MGAT4C: variants seen among roughly 807,000 people sequenced by gnomAD.
MGAT4C encodes MGAT4 family member C.
A neutral mutation model predicts 40.1 loss-of-function variants in MGAT4C; 19 were observed. The observed-to-expected ratio is 0.47, with a 90% confidence interval of 0.33 to 0.70. MGAT4C has a LOEUF of 0.70. Ranked by LOEUF, MGAT4C falls within the 30% of genes least tolerant of loss-of-function variation. The probability of loss-of-function intolerance (pLI) is 0.02; values close to 1 mark genes in which losing one functional copy is unlikely to be tolerated. For missense variants in MGAT4C, 491 were observed against 563.2 expected (o/e 0.87, Z 1.30); for synonymous variants, 181 against 187.1 (o/e 0.97, Z 0.27).
intron 2 of MGAT4C, among the ~76,000 whole-genome samples, chr12:86,598,176 A>C (rs1395689566): frequency 1.3e-5 from 2 of 152,294 alleles, no homozygotes; most frequent in African/African-American, 4.8e-5. Context: ...ATGTTCGTAG[A>C]AAACTATTTT....
At chr12:86,814,093 G>C (rs1387580720) in intron 1 of MGAT4C, among the ~76,000 whole-genome samples, 1 of 151,692 alleles carries the variant, frequency 6.6e-6, no homozygotes, top group Admixed American at 6.6e-5. Flanking sequence ...TTGTATTTTA[G>C]TAGAGACAGG....
At chr12:86,208,510 A>G (rs1374159083) in intron 1 of MGAT4C, among the ~76,000 whole-genome samples, 2 of 152,070 alleles carry the variant, frequency 1.3e-5, no homozygotes, top group Admixed American at 1.3e-4. Context: ...TTGTCCCTTT[A>G]AGATGTAATT....
intron 1 of MGAT4C, among the ~76,000 whole-genome samples, chr12:86,145,379 G>A (rs774895131): frequency 6.6e-6 from 1 of 152,080 alleles, no homozygotes; most frequent in Non-Finnish European, 1.5e-5. Context: ...AGTATAATTG[G>A]TATGGGCCCT....
intron 1 of MGAT4C, among the ~76,000 whole-genome samples, chr12:86,131,520 T>C (rs1219646852): frequency 1.3e-5 from 2 of 152,118 alleles, no homozygotes; most frequent in East Asian, 1.9e-4. Context: ...TTATGCTGAA[T>C]TTGGCATTTA....
chr12:86,397,106 T>C (rs1956276708), intron 3 of MGAT4C, among the ~76,000 whole-genome samples: 1 of 152,174 alleles, frequency 6.6e-6, no homozygotes, highest in Admixed American at 6.5e-5. Flanking sequence ...CCCATTAGTA[T>C]TTGGAACATT....
At chr12:86,109,796 C>T (rs1341487509) in intron 1 of MGAT4C, among the ~76,000 whole-genome samples, 1 of 151,804 alleles carries the variant, frequency 6.6e-6, no homozygotes, top group South Asian at 2.1e-4. Flanking sequence ...GGAGCTTTTA[C>T]ACTTGTGGTG....
intron 3 of MGAT4C, among the ~76,000 whole-genome samples, chr12:86,347,450 A>G (rs1306223866): frequency 6.6e-6 from 1 of 152,174 alleles, no homozygotes; most frequent in Non-Finnish European, 1.5e-5. Flanking sequence ...ATAAAAAAAT[A>G]CTGATTCCTT....
At chr12:86,053,217 A>G (rs1893059090) in intron 1 of MGAT4C, among the ~76,000 whole-genome samples, 1 of 150,028 alleles carries the variant, frequency 6.7e-6, no homozygotes, top group African/African-American at 2.5e-5. Context: ...TGACTGGAAC[A>G]TTGGAAAACC....
intron 1 of MGAT4C, among the ~76,000 whole-genome samples, chr12:86,124,670 A>G (rs1879967935): frequency 6.6e-6 from 1 of 152,088 alleles, no homozygotes; most frequent in African/African-American, 2.4e-5. Flanking sequence ...CTGTGGTCTT[A>G]TACCAGATAG....
At chr12:86,526,599 G>A (rs1449691113) in intron 2 of MGAT4C, among the ~76,000 whole-genome samples, 1 of 152,106 alleles carries the variant, frequency 6.6e-6, no homozygotes. Context: ...GGAGCCCCAG[G>A]AGAGGTGTGC....
chr12:86,611,629 G>C (rs929529007), intron 2 of MGAT4C, among the ~76,000 whole-genome samples: 5 of 152,068 alleles, frequency 3.3e-5, no homozygotes, highest in Non-Finnish European at 7.4e-5. Flanking sequence ...TCGCATCTCA[G>C]TTTTCTTCAA....
intron 1 of MGAT4C, among the ~76,000 whole-genome samples, chr12:86,142,709 C>CTTT (rs113640050): frequency 7.1e-6 from 1 of 140,162 alleles, no homozygotes. Context: ...GTGGTCCATT[C>CTTT]TTTTTTTTTT....
At chr12:86,640,083 G>A (rs1963335791) in intron 2 of MGAT4C, among the ~76,000 whole-genome samples, 1 of 151,426 alleles carries the variant, frequency 6.6e-6, no homozygotes, top group Admixed American at 6.6e-5. Context: ...TCAAAAAGAA[G>A]ACTTTTAACA....
intron 2 of MGAT4C, among the ~76,000 whole-genome samples, chr12:86,645,465 T>C (rs954574518): frequency 6.6e-6 from 1 of 151,752 alleles, no homozygotes; most frequent in Non-Finnish European, 1.5e-5. Flanking sequence ...AAATGCTCGG[T>C]GGTAAAAATC....
chr12:86,190,155 A>T (rs1889218270), intron 1 of MGAT4C, among the ~76,000 whole-genome samples: 1 of 152,078 alleles, frequency 6.6e-6, no homozygotes, highest in African/African-American at 2.4e-5. Context: ...AGAAAACATT[A>T]AGGAAATGGA....
At chr12:86,461,000 C>T (rs1240176647) in intron 2 of MGAT4C, among the ~76,000 whole-genome samples, 3 of 151,960 alleles carry the variant, frequency 2.0e-5, no homozygotes, top group Non-Finnish European at 4.4e-5. Flanking sequence ...AATGTCAATT[C>T]TTGTTTCCTA....
intron 2 of MGAT4C, among the ~76,000 whole-genome samples, chr12:86,722,450 T>C (rs1950752870): frequency 6.6e-6 from 1 of 152,178 alleles, no homozygotes; most frequent in African/African-American, 2.4e-5. Flanking sequence ...GCTGAAAAAG[T>C]AAACACACAC....
In MGAT4C at chr12:86,478,618, A is replaced by T. The variant is rs144529004; in HGVS notation, c.-228-43353T>A. ...TTCTGTTGTTTTCTTTAAATATCTA[A>T]GTCAGTTCCCCACTTACTGCCCATG... On this transcript the variant is annotated intron_variant, in intron 2 of 7. Coordinates refer to the MGAT4C transcript ENST00000548651. Among the ~76,000 whole-genome samples, 42 of 152,216 alleles carry T rather than the reference A, an allele frequency of 2.8e-4. No homozygotes were observed. The East Asian group carries it at 7.7e-3, about 28-fold the overall frequency.
intron 2 of MGAT4C, among the ~76,000 whole-genome samples, chr12:86,715,049 C>T (rs1033166810): frequency 1.3e-5 from 2 of 151,882 alleles, no homozygotes; most frequent in African/African-American, 2.4e-5. Context: ...AAACTTATCT[C>T]GTTATGTTTA....
Sources: allele counts gnomAD v4.1 joint callset (sites outside exome capture counted in the v4.1 genomes callset), GRCh38; gene constraint gnomAD v4.1.1; transcripts MANE v1.5; gene names NCBI Gene and HGNC (gene_info 2026-07-23, HGNC 2026-07-21).